The following PLEKHA5 variants were observed in gnomAD, a reference collection of about 807,000 sequenced individuals.
The protein encoded by PLEKHA5 is pleckstrin homology domain-containing family A member 5.
PLEKHA5 carries 55 observed loss-of-function variants against 181.9 expected under a neutral mutation model. The observed-to-expected ratio is 0.30, with a 90% CI of 0.24 to 0.38. The LOEUF (loss-of-function observed/expected upper bound fraction) is 0.38, where lower values mean the gene tolerates loss of function less well. PLEKHA5 is among the 10% of genes least tolerant of loss of function. The pLI is 1.00. For missense variants in PLEKHA5, 1,432 were observed against 1,549.5 expected (o/e 0.92, Z 1.27); for synonymous variants, 535 against 529.4 (o/e 1.01, Z -0.15).
At chr12:19,177,905 T>C (rs2047688482) in intron 3 of PLEKHA5, among the ~76,000 whole-genome samples, 1 of 152,242 alleles carries the variant, frequency 6.6e-6, no homozygotes, top group Non-Finnish European at 1.5e-5. Flanking sequence ...TAGCCAGTGC[T>C]GATGATCAGC....
intron 21 of PLEKHA5, among the ~76,000 whole-genome samples, chr12:19,339,448 T>G (rs7960764): frequency 0.011 from 1,628 of 152,282 alleles, 36 homozygotes; most frequent in African/African-American, 0.037. Flanking sequence ...CCAAAAAATA[T>G]ATTTATTATG....
intron 10 of PLEKHA5, among the ~76,000 whole-genome samples, chr12:19,272,605 C>T (rs1349631200): frequency 6.6e-6 from 1 of 151,926 alleles, no homozygotes; most frequent in Non-Finnish European, 1.5e-5. Context: ...GGTGTGGTGG[C>T]GTGTACCTAT....
chr12:19,246,110 C>G (rs1341386825), intron 3 of PLEKHA5, among the ~76,000 whole-genome samples: 2 of 151,058 alleles, frequency 1.3e-5, no homozygotes, highest in Admixed American at 6.6e-5. Context: ...TCCCGAGTAG[C>G]TGGGACTACA....
At chr12:19,215,930 T>G (rs1288419544) in intron 3 of PLEKHA5, among the ~76,000 whole-genome samples, 1 of 152,228 alleles carries the variant, frequency 6.6e-6, no homozygotes, top group Non-Finnish European at 1.5e-5. Flanking sequence ...TTATTTTTAT[T>G]GTTTTTTTCT....
chr12:19,136,060 T>C (rs935052038), intron 3 of PLEKHA5, among the ~76,000 whole-genome samples: 2 of 151,966 alleles, frequency 1.3e-5, no homozygotes, highest in South Asian at 4.1e-4. Context: ...GATTGATTGA[T>C]TGATTGAGAG....
At chr12:19,270,123 CT>C (rs1297358471) in intron 9 of PLEKHA5, 64 bp from the exon 10 acceptor site, 1 of 944,778 alleles carries the variant, frequency 1.1e-6, no homozygotes, top group East Asian at 2.7e-5. Flanking sequence ...TCATTTTCAC[CT>C]ATCGGTGTAC....
At chr12:19,165,331 C>T (rs1233302580) in intron 3 of PLEKHA5, among the ~76,000 whole-genome samples, 1 of 152,152 alleles carries the variant, frequency 6.6e-6, no homozygotes, top group Non-Finnish European at 1.5e-5. Context: ...GTCAAGCTTA[C>T]ACACGTGCAT....
chr12:19,258,555 C>CTT (rs2067457318), intron 6 of PLEKHA5, among the ~76,000 whole-genome samples: 7 of 98,806 alleles, frequency 7.1e-5, no homozygotes, highest in Middle Eastern at 5.3e-3. Context: ...TTTTTTTTTT[C>CTT]TTTTTCTTTT....
intron 20 of PLEKHA5, 63 bp from the exon 21 acceptor site, chr12:19,336,452 G>A: frequency 1.2e-6 from 1 of 809,166 alleles, no homozygotes; most frequent in East Asian, 2.5e-5. Flanking sequence ...AGTTACAATT[G>A]GAGTGATAAC....
chr12:19,134,421 T>C (rs563528876), intron 3 of PLEKHA5, among the ~76,000 whole-genome samples: 1 of 152,158 alleles, frequency 6.6e-6, no homozygotes, highest in South Asian at 2.1e-4. Context: ...TAACTTATAA[T>C]ATTATGGAAG....
intron 16 of PLEKHA5, 95 bp from the exon 17 acceptor site, chr12:19,319,926 T>C (rs2090170005): frequency 1.4e-6 from 1 of 725,606 alleles, no homozygotes; most frequent in African/African-American, 1.8e-5. Context: ...AATTTGACTA[T>C]CCATAGTTTA....
chr12:19,316,142 G>A (rs979845210), intron 16 of PLEKHA5, among the ~76,000 whole-genome samples: 2 of 151,628 alleles, frequency 1.3e-5, no homozygotes, highest in African/African-American at 2.4e-5. Flanking sequence ...GATACCTTCT[G>A]CAGTGTCTGA....
intron 29 of PLEKHA5, among the ~76,000 whole-genome samples, chr12:19,365,014 A>G (rs1029392213): frequency 6.6e-6 from 1 of 152,098 alleles, no homozygotes; most frequent in African/African-American, 2.4e-5. Flanking sequence ...GCAATAGTTC[A>G]TGACACCCAC....
At chr12:19,291,513 G>A (rs896454964) in intron 14 of PLEKHA5, 131 bp from the exon 15 acceptor site, 8 of 529,344 alleles carry the variant, frequency 1.5e-5, no homozygotes, top group African/African-American at 1.2e-4. Context: ...GAGCATGTGC[G>A]TGAAAGTTGT....
At chr12:19,148,248 G>C (rs2039457775) in intron 3 of PLEKHA5, among the ~76,000 whole-genome samples, 1 of 152,074 alleles carries the variant, frequency 6.6e-6, no homozygotes, top group South Asian at 2.1e-4. Flanking sequence ...GTAGAGACAG[G>C]GTTTCACTAT....
At position 19,130,161 on chromosome 12, in the gene PLEKHA5, C is replaced by T. The variant is rs767527087; in HGVS notation, c.169+31C>T. On this transcript the variant is annotated intron_variant, in intron 2 of 31. Coordinates refer to ENST00000429027, the MANE Select transcript of PLEKHA5 (RefSeq NM_001256470.2). The surrounding 1 kb of genome is among the most constrained non-coding windows in gnomAD (Gnocchi z 4.5). ...GCCGGGCCCAAACGGAGTTGGGCTC[C>T]GCCTGGAGGAGGCGGCAGAGCCCGG... 9 of 1,441,666 alleles carry T rather than the reference C, an allele frequency of 6.2e-6. No homozygotes were observed. In the Admixed American group the frequency reaches 1.7e-4, roughly 28 times the overall value. 89.3% of individuals were successfully genotyped at this position (1,441,666 alleles called of 1,614,324 possible).
intron 20 of PLEKHA5, among the ~76,000 whole-genome samples, chr12:19,336,239 A>C (rs559615721): frequency 6.6e-6 from 1 of 152,352 alleles, no homozygotes; most frequent in Admixed American, 6.5e-5. Flanking sequence ...AACTATTTCC[A>C]TTCATGGAGA....
intron 7 of PLEKHA5, among the ~76,000 whole-genome samples, chr12:19,263,839 A>T (rs929976594): frequency 2.6e-5 from 4 of 152,164 alleles, no homozygotes; most frequent in Non-Finnish European, 4.4e-5. Context: ...AGAAAATGGG[A>T]TGCCATGCAG....
chr12:19,354,137 T>G (rs1480364843), intron 26 of PLEKHA5, 135 bp downstream of exon 26: 20 of 332,572 alleles, frequency 6.0e-5, no homozygotes. Context: ...TTAGTTATTC[T>G]TTATTCTTTT....
Sources: gnomAD v4.1 joint callset for allele counts (sites outside exome capture counted in the v4.1 genomes callset) on GRCh38, gnomAD v4.1.1 for gene constraint, Gnocchi (gnomAD v3.1) non-coding constraint, MANE v1.5 for transcripts, NCBI Gene and HGNC (gene_info 2026-07-23, HGNC 2026-07-21) for gene names.